Variants in IRAK3 observed in about 807,000 individuals in gnomAD.
IRAK3 encodes interleukin 1 receptor associated kinase 3.
A neutral mutation model predicts 56.6 loss-of-function variants in IRAK3; 57 were observed. That is an observed-to-expected ratio of 1.01 (90% CI 0.81 to 1.26). IRAK3 has a LOEUF of 1.26. Among genes scored for constraint, IRAK3 ranks in the 50% most tolerant of loss-of-function variants. The probability of loss-of-function intolerance (pLI) is 0.00; values close to 1 mark genes in which losing one functional copy is unlikely to be tolerated. For synonymous variants in IRAK3, 258 were observed against 255.7 expected (o/e 1.01, Z -0.09); for missense variants, 703 against 719.0 (o/e 0.98, Z 0.25).
chr12:66,237,702 G>A (rs929920724), intron 8 of IRAK3, among the ~76,000 whole-genome samples: 1 of 152,168 alleles, frequency 6.6e-6, no homozygotes, highest in Non-Finnish European at 1.5e-5. Context: ...GTTGTCTCAT[G>A]TTCCATGTCT....
Position 66,228,377 on chromosome 12 carries a change from T to C in IRAK3, c.887+7T>C. 1 of 1,594,578 alleles carries C rather than the reference T, an allele frequency of 6.3e-7. No individual in the cohort carries two copies. The highest frequency in any genetic ancestry group is 8.6e-7 in the Non-Finnish European group (1 of 1,162,214). On this transcript the variant is annotated splice_region_variant and intron_variant, in intron 8 of 11. Transcript: ENST00000261233. Reference sequence around the variant, plus strand: ...TCTGTGGCAGTATATCAAGGTAAATTATTCCAGAGCTTTTGGTTATACCTG... The same window carrying C: ...TCTGTGGCAGTATATCAAGGTAAATCATTCCAGAGCTTTTGGTTATACCTG...
chr12:66,204,654 T>C (rs558913760), intron 2 of IRAK3, among the ~76,000 whole-genome samples: 1 of 152,330 alleles, frequency 6.6e-6, no homozygotes, highest in African/African-American at 2.4e-5. Context: ...CCAAGGCTCT[T>C]AGATTGGAAA....
chr12:66,224,062 G>A (rs1053104503), intron 6 of IRAK3, among the ~76,000 whole-genome samples: 1 of 151,964 alleles, frequency 6.6e-6, no homozygotes, highest in Non-Finnish European at 1.5e-5. Flanking sequence ...GATTAATCTG[G>A]AGATATTTAC....
At chr12:66,215,786 G>GCACACACACA (rs71096080) in intron 5 of IRAK3, among the ~76,000 whole-genome samples, 92 of 122,906 alleles carry the variant, frequency 7.5e-4, no homozygotes, top group East Asian at 4.3e-3. Context: ...AACCCAACAT[G>GCACACACACA]CACACACACA....
At chr12:66,201,654 T>G (rs1450942003) in intron 1 of IRAK3, among the ~76,000 whole-genome samples, 1 of 152,250 alleles carries the variant, frequency 6.6e-6, no homozygotes, top group East Asian at 1.9e-4. Context: ...AGAATCCTGT[T>G]AAATCAGGGC....
At chr12:66,203,111 G>A (rs547010724) in intron 1 of IRAK3, among the ~76,000 whole-genome samples, 24 of 152,214 alleles carry the variant, frequency 1.6e-4, no homozygotes, top group Non-Finnish European at 3.2e-4. Flanking sequence ...ATCCACTGGT[G>A]GATGCAAATA....
chr12:66,226,137 A>T (rs1163510689), intron 6 of IRAK3, among the ~76,000 whole-genome samples: 1 of 152,200 alleles, frequency 6.6e-6, no homozygotes, highest in Non-Finnish European at 1.5e-5. Context: ...ACAAATCTTT[A>T]AAAATCTTTA....
intron 11 of IRAK3, among the ~76,000 whole-genome samples, chr12:66,245,526 A>C (rs2053021386): frequency 6.8e-6 from 1 of 146,890 alleles, no homozygotes; most frequent in South Asian, 2.1e-4. Flanking sequence ...TATTTTATTC[A>C]ATCTTTTTTT....
intron 2 of IRAK3, among the ~76,000 whole-genome samples, chr12:66,207,828 TC>T (rs1237909124): frequency 1.3e-5 from 2 of 152,208 alleles, no homozygotes; most frequent in Non-Finnish European, 2.9e-5. Context: ...CTTGTGAATT[TC>T]CCAAATTTCC....
Position 66,201,108 on chromosome 12 carries a change from C to T in IRAK3, c.134-2603C>T, listed in dbSNP as rs762187841. 9.2e-5 allele frequency among the ~76,000 whole-genome samples: 14 copies of T among 152,210 alleles called. No individual in the cohort carries two copies. The East Asian group carries it at 9.6e-4, about 10-fold the overall frequency. Reference sequence around the variant, plus strand: ...CTAGAACTACAGATGTGAGCCACCACGCCTGGACCCAAAACAGACTTTTAA... The same window carrying T: ...CTAGAACTACAGATGTGAGCCACCATGCCTGGACCCAAAACAGACTTTTAA... On this transcript the variant is annotated intron_variant, in intron 1 of 11. Transcript: ENST00000261233.
intron 8 of IRAK3, among the ~76,000 whole-genome samples, chr12:66,239,546 G>GGAAT (rs1329190028): frequency 6.6e-6 from 1 of 151,972 alleles, no homozygotes; most frequent in Non-Finnish European, 1.5e-5. Flanking sequence ...AAGCCTACAG[G>GGAAT]GAATGCAAAG....
intron 6 of IRAK3, among the ~76,000 whole-genome samples, chr12:66,222,686 C>G (rs917830578): frequency 1.3e-5 from 2 of 152,016 alleles, no homozygotes; most frequent in South Asian, 2.1e-4. Flanking sequence ...TAAAATTAGG[C>G]TTTTTTTAGT....
At position 66,247,799 on chromosome 12, in the gene IRAK3, T is replaced by C. The variant is rs548229277; in HGVS notation, c.1419T>C (p.Asn473=). 11 of 1,613,882 alleles carry C rather than the reference T, an allele frequency of 6.8e-6. No homozygotes were observed. In the Middle Eastern group the frequency reaches 6.6e-4, roughly 97 times the overall value. The change falls in exon 12 of 12, where the codon AAT becomes AAC. Residue 473 remains asparagine (N), a synonymous_variant. Coordinates refer to ENST00000261233, the MANE Select transcript of IRAK3 (RefSeq NM_007199.3). Reference sequence around the variant, plus strand: ...GTCCTTCTCCTCTATTCCTGGAGAATGTACCAAGTATTCCAGTGGAAGATG... The same window carrying C: ...GTCCTTCTCCTCTATTCCTGGAGAACGTACCAAGTATTCCAGTGGAAGATG... ...FRCPSPLFLE[N]VPSIPVEDDE... is the part of the protein sequence containing the mutation.
At chr12:66,245,602 GC>G (rs1283293943) in intron 11 of IRAK3, among the ~76,000 whole-genome samples, 1 of 75,200 alleles carries the variant, frequency 1.3e-5, no homozygotes, top group Non-Finnish European at 2.5e-5. Context: ...CAGTGGCACG[GC>G]CCACTGCAAC....
chr12:66,190,173 T>C (rs1423086562), intron 1 of IRAK3, among the ~76,000 whole-genome samples: 1 of 152,210 alleles, frequency 6.6e-6, no homozygotes, highest in East Asian at 1.9e-4. Flanking sequence ...TTAATGTTTA[T>C]TGAAAAGAAT....
intron 6 of IRAK3, among the ~76,000 whole-genome samples, chr12:66,223,455 C>T (rs2052755479): frequency 6.6e-6 from 1 of 151,686 alleles, no homozygotes; most frequent in Non-Finnish European, 1.5e-5. Context: ...GTCAGGAGAT[C>T]AAGACCATCC....
At chr12:66,234,686 C>T in intron 8 of IRAK3, 1 of 1,609,096 alleles carries the variant, frequency 6.2e-7, no homozygotes, top group Non-Finnish European at 8.5e-7. Flanking sequence ...AATAAATTTT[C>T]CATTAAAATG....
chr12:66,245,940 T>C (rs1242093037), intron 11 of IRAK3, among the ~76,000 whole-genome samples: 1 of 152,150 alleles, frequency 6.6e-6, no homozygotes, highest in Non-Finnish European at 1.5e-5. Context: ...AAATAATGCC[T>C]ACTCTGTGTG....
Position 66,250,331 on chromosome 12 carries a change from T to C in IRAK3, c.*2160T>C, listed in dbSNP as rs10506481. On this transcript the variant is annotated 3_prime_UTR_variant, in exon 12 of 12. Coordinates refer to ENST00000261233, the MANE Select transcript of IRAK3 (RefSeq NM_007199.3). ...AGTCAGTATGGTTGGGTTAATCATA[T>C]TCACATTAGATTCCATGTTGAAGAA... The C allele has an allele frequency of 0.09, 13,661 of 152,256 alleles. 658 individuals are homozygous for C. Among genetic ancestry groups the C allele is most frequent in the South Asian group, 0.11 (546 of 4,822 alleles). The allele number at this position is 152,256 out of a possible 1,614,324, so 9.4% of individuals were successfully genotyped here.
Sources: gnomAD v4.1 joint callset for allele counts (sites outside exome capture counted in the v4.1 genomes callset) on GRCh38, gnomAD v4.1.1 for gene constraint, MANE v1.5 for transcripts, NCBI Gene and HGNC (gene_info 2026-07-23, HGNC 2026-07-21) for gene names.